L3MBTL4: variants seen among roughly 807,000 people sequenced by gnomAD.
L3MBTL4 encodes lethal(3)malignant brain tumor-like protein 4.
A neutral mutation model predicts 84.5 loss-of-function variants in L3MBTL4; 70 were observed. The ratio of observed to expected loss-of-function variants is 0.83; its 90% confidence interval spans 0.68 to 1.01. The LOEUF (loss-of-function observed/expected upper bound fraction) is 1.01. Ranked by LOEUF, L3MBTL4 falls within the 50% of genes least tolerant of loss-of-function variation. L3MBTL4 has a pLI of 0.00. For missense variants in L3MBTL4, 715 were observed against 754.8 expected (o/e 0.95, Z 0.62); for synonymous variants, 274 against 259.8 (o/e 1.05, Z -0.52).
At chr18:6,138,354 C>G in intron 13 of L3MBTL4, 58 bp from the exon 14 acceptor site, 1 of 1,034,322 alleles carries the variant, frequency 9.7e-7, no homozygotes, top group Non-Finnish European at 1.5e-6. Context: ...GACTGCAAAT[C>G]TGAAATATGT....
At chr18:6,197,391 G>T (rs2145605597) in intron 12 of L3MBTL4, among the ~76,000 whole-genome samples, 1 of 152,252 alleles carries the variant, frequency 6.6e-6, no homozygotes, top group East Asian at 1.9e-4. Flanking sequence ...GCATTAGTTT[G>T]CTGAGGATAA....
chr18:6,066,345 G>A (rs1015515880), intron 16 of L3MBTL4, among the ~76,000 whole-genome samples: 2 of 152,086 alleles, frequency 1.3e-5, no homozygotes, highest in Non-Finnish European at 2.9e-5. Context: ...TGGGAAGACT[G>A]TTCTGTAAAC....
At chr18:6,273,444 G>A (rs1303387505) in intron 4 of L3MBTL4, among the ~76,000 whole-genome samples, 2 of 86,124 alleles carry the variant, frequency 2.3e-5, no homozygotes, top group Non-Finnish European at 4.5e-5. Context: ...TCAGGAGCAC[G>A]GGGAAAGGGA....
intron 16 of L3MBTL4, among the ~76,000 whole-genome samples, chr18:6,025,533 C>A (rs2055460591): frequency 6.6e-6 from 1 of 152,192 alleles, no homozygotes; most frequent in Admixed American, 6.5e-5. Context: ...CTGTTTAACT[C>A]TTCCAGACCT....
intron 12 of L3MBTL4, among the ~76,000 whole-genome samples, chr18:6,190,819 G>T (rs1285256538): frequency 6.6e-6 from 1 of 152,186 alleles, no homozygotes; most frequent in East Asian, 1.9e-4. Flanking sequence ...AAGTGGAAAA[G>T]ATAGGCTTAA....
chr18:6,290,009 C>T (rs2049779388), intron 4 of L3MBTL4, among the ~76,000 whole-genome samples: 1 of 152,190 alleles, frequency 6.6e-6, no homozygotes, highest in African/African-American at 2.4e-5. Context: ...CAGCTTCAAC[C>T]TCTTGAGCTC....
chr18:6,250,009 C>T (rs1007794704), intron 5 of L3MBTL4, among the ~76,000 whole-genome samples: 1 of 152,196 alleles, frequency 6.6e-6, no homozygotes, highest in Non-Finnish European at 1.5e-5. Flanking sequence ...GGCAACTAAA[C>T]AGGCAAAACG....
intron 14 of L3MBTL4, among the ~76,000 whole-genome samples, chr18:6,135,358 T>C (rs1344393482): frequency 2.0e-5 from 3 of 152,224 alleles, no homozygotes; most frequent in Non-Finnish European, 2.9e-5. Flanking sequence ...TTGCTACTTA[T>C]GCAAATTTCT....
At chr18:6,109,114 C>T (rs984046260) in intron 14 of L3MBTL4, among the ~76,000 whole-genome samples, 3 of 152,114 alleles carry the variant, frequency 2.0e-5, no homozygotes, top group African/African-American at 7.2e-5. Flanking sequence ...AGGAAGAAAA[C>T]TAGTGAAGGT....
At chr18:6,369,067 A>G (rs1280011665) in intron 1 of L3MBTL4, among the ~76,000 whole-genome samples, 1 of 140,180 alleles carries the variant, frequency 7.1e-6, no homozygotes, top group East Asian at 2.1e-4. Context: ...AAAAAAAGTC[A>G]ATGCCTGTTA....
chr18:6,022,166 T>C (rs2055303611), intron 16 of L3MBTL4, among the ~76,000 whole-genome samples: 1 of 152,264 alleles, frequency 6.6e-6, no homozygotes, highest in Admixed American at 6.5e-5. Flanking sequence ...ATTTCTTTTT[T>C]GTGGTTAATA....
At chr18:6,190,500 C>T (rs2045023788) in intron 12 of L3MBTL4, among the ~76,000 whole-genome samples, 1 of 152,128 alleles carries the variant, frequency 6.6e-6, no homozygotes, top group Non-Finnish European at 1.5e-5. Flanking sequence ...GCTTGCCAGT[C>T]ATAATGAGAT....
rs562699080 is a variant in L3MBTL4 at position 6,031,132 on chromosome 18, G to C, written c.1444+49749C>G. ...TGGAGAAAAGCCACACGTGATCCAA[G>C]TTCTAAACCCAGCTCTTGTCCTGAT... On this transcript the variant is annotated intron_variant, in intron 16 of 18. Transcript: ENST00000317931. The C allele has an allele frequency of 2.1e-5, 21 of 985,440 alleles. No individual in the cohort carries two copies. The East Asian group carries it at 1.9e-3, about 90-fold the overall frequency. 61.0% of individuals were successfully genotyped at this position (985,440 alleles called of 1,614,324 possible).
chr18:6,067,119 T>C (rs1483260819), intron 16 of L3MBTL4, among the ~76,000 whole-genome samples: 1 of 152,238 alleles, frequency 6.6e-6, no homozygotes, highest in East Asian at 1.9e-4. Context: ...AAGCCAAAGA[T>C]AGGACCCCAG....
At chr18:6,314,305 C>G (rs2146971137) in intron 1 of L3MBTL4, among the ~76,000 whole-genome samples, 1 of 152,214 alleles carries the variant, frequency 6.6e-6, no homozygotes, top group East Asian at 1.9e-4. Context: ...CCACATGTCT[C>G]CTTGTTGAGC....
At chr18:6,209,027 C>G (rs956359607) in intron 12 of L3MBTL4, among the ~76,000 whole-genome samples, 1 of 152,302 alleles carries the variant, frequency 6.6e-6, no homozygotes, top group South Asian at 2.1e-4. Context: ...TATCCCCCAG[C>G]ACTGACCATG....
At chr18:6,242,361 G>A (rs553229678) in intron 7 of L3MBTL4, among the ~76,000 whole-genome samples, 1 of 152,212 alleles carries the variant, frequency 6.6e-6, no homozygotes, top group South Asian at 2.1e-4. Context: ...TCTCCCCCAT[G>A]CTTTCTGAAA....
chr18:6,119,051 T>TCCTTTGCA (rs2059447886), intron 14 of L3MBTL4, among the ~76,000 whole-genome samples: 1 of 147,394 alleles, frequency 6.8e-6, no homozygotes, highest in Non-Finnish European at 1.5e-5. Flanking sequence ...TCAAAGAGCT[T>TCCTTTGCA]CCTTTGCAAG....
intron 12 of L3MBTL4, among the ~76,000 whole-genome samples, chr18:6,197,296 T>C (rs183294830): frequency 6.6e-6 from 1 of 152,146 alleles, no homozygotes; most frequent in Non-Finnish European, 1.5e-5. Flanking sequence ...CCAGTGTGTG[T>C]TGTTCCCCTC....
Sources: allele counts gnomAD v4.1 joint callset (sites outside exome capture counted in the v4.1 genomes callset), GRCh38; gene constraint gnomAD v4.1.1; transcripts MANE v1.5; gene names NCBI Gene and HGNC (gene_info 2026-07-23, HGNC 2026-07-21).